Variants in ANK2 observed in about 807,000 individuals in gnomAD.
The protein encoded by ANK2 is ankyrin 2, also known as ankyrin-2.
ANK2 carries 83 observed loss-of-function variants against 360.5 expected under a neutral mutation model. The ratio of observed to expected loss-of-function variants is 0.23; its 90% CI spans 0.19 to 0.28. The LOEUF (loss-of-function observed/expected upper bound fraction) is 0.28. ANK2 is among the 10% of genes least tolerant of loss of function. ANK2 has a pLI of 1.00. For synonymous variants in ANK2, 1,740 were observed against 1,759.5 expected (o/e 0.99, Z 0.28); for missense variants, 4,201 against 4,795.7 (o/e 0.88, Z 3.66).
intron 1 of ANK2, among the ~76,000 whole-genome samples, chr4:112,831,817 A>C (rs1273543322): frequency 6.6e-6 from 1 of 152,088 alleles, no homozygotes; most frequent in Non-Finnish European, 1.5e-5. Flanking sequence ...GAGACCACGA[A>C]CTCACTGGGA....
intron 4 of ANK2, among the ~76,000 whole-genome samples, chr4:113,201,680 T>C (rs6533672): frequency 0.34 from 52,043 of 152,070 alleles, 9,562 homozygotes; most frequent in South Asian, 0.42. Flanking sequence ...GTTATAAAAG[T>C]TGACTAGTAG....
At chr4:113,323,299 T>C (rs2087527940) in intron 26 of ANK2, among the ~76,000 whole-genome samples, 1 of 152,206 alleles carries the variant, frequency 6.6e-6, no homozygotes, top group Non-Finnish European at 1.5e-5. Context: ...TGTTTGTTGT[T>C]GATCTATACT....
At chr4:113,374,707 C>T in intron 45 of ANK2, 2 of 982,636 alleles carry the variant, frequency 2.0e-6, no homozygotes, top group Non-Finnish European at 1.2e-6. Flanking sequence ...AGAAAAAATT[C>T]ATCATAGTTA....
At chr4:113,224,896 T>A (rs362469) in intron 4 of ANK2, among the ~76,000 whole-genome samples, 17,150 of 133,432 alleles carry the variant, frequency 0.13, 1,242 homozygotes, top group Admixed American at 0.24. Flanking sequence ...TTTTTTTTTT[T>A]AATTTTAAGA....
At chr4:112,708,428 C>T in the ANK2 span, among the ~76,000 whole-genome samples, 1 of 152,072 alleles carries the variant, frequency 6.6e-6, no homozygotes. Context: ...ATTGGTCATA[C>T]TATTAATTAT....
At chr4:112,809,568 A>C in the ANK2 span, among the ~76,000 whole-genome samples, 1 of 129,346 alleles carries the variant, frequency 7.7e-6, no homozygotes, top group Non-Finnish European at 1.6e-5. Flanking sequence ...CTAAAAAAAA[A>C]ATAAATCAAT....
Position 113,095,822 on chromosome 4 carries a change from A to C in ANK2, c.84+46010A>C, listed in dbSNP as rs626267. 2.6e-5 allele frequency among the ~76,000 whole-genome samples: 4 copies of C among 152,086 alleles called. No homozygotes were observed. The South Asian group carries it at 8.3e-4, about 32-fold the overall frequency. Reference sequence around the variant, plus strand: ...TTATGTCTTCCTACAGTTTTTGTCCATGCATGTTTATAGTAGTTAACTGCA... The same window carrying C: ...TTATGTCTTCCTACAGTTTTTGTCCCTGCATGTTTATAGTAGTTAACTGCA... On this transcript the variant is annotated intron_variant, in intron 1 of 45. Transcript: ENST00000357077.
At chr4:113,236,502 A>C (rs1211953349) in intron 5 of ANK2, among the ~76,000 whole-genome samples, 5 of 152,218 alleles carry the variant, frequency 3.3e-5, no homozygotes, top group Non-Finnish European at 5.9e-5. Context: ...GGTAATAGAC[A>C]ACTCCATCCC....
intron 2 of ANK2, among the ~76,000 whole-genome samples, chr4:113,038,028 C>T (rs7673390): frequency 0.21 from 32,518 of 151,920 alleles, 3,585 homozygotes; most frequent in East Asian, 0.37. Context: ...CCTTTTTAGA[C>T]ATTAGTTCAA....
At chr4:113,241,339 G>A (rs933472657) in intron 8 of ANK2, among the ~76,000 whole-genome samples, 1 of 152,118 alleles carries the variant, frequency 6.6e-6, no homozygotes, top group African/African-American at 2.4e-5. Context: ...ACGTTTGTTT[G>A]TTGTTGTTGC....
chr4:113,075,205 A>T (rs2079406454), intron 1 of ANK2, among the ~76,000 whole-genome samples: 1 of 152,236 alleles, frequency 6.6e-6, no homozygotes, highest in African/African-American at 2.4e-5. Context: ...AAGAGTAGAG[A>T]AGTACGTTTC....
At chr4:112,915,337 A>T (rs2089377571) in intron 2 of ANK2, among the ~76,000 whole-genome samples, 1 of 152,218 alleles carries the variant, frequency 6.6e-6, no homozygotes, top group Non-Finnish European at 1.5e-5. Flanking sequence ...TACCAAGAAC[A>T]TGAGGCCCAA....
chr4:112,854,853 T>C (rs2065946405), intron 1 of ANK2, among the ~76,000 whole-genome samples: 1 of 151,976 alleles, frequency 6.6e-6, no homozygotes, highest in South Asian at 2.1e-4. Flanking sequence ...GAGAGCTCAG[T>C]GTGGGAGGAA....
chr4:112,939,947 T>C (rs1209448342), intron 2 of ANK2, among the ~76,000 whole-genome samples: 1 of 152,252 alleles, frequency 6.6e-6, no homozygotes, highest in African/African-American at 2.4e-5. Context: ...ATGTCAGTCT[T>C]TTTTGAATGA....
chr4:112,722,224 C>G, the ANK2 span, among the ~76,000 whole-genome samples: 1 of 152,174 alleles, frequency 6.6e-6, no homozygotes, highest in Non-Finnish European at 1.5e-5. Flanking sequence ...ATCCTTACCT[C>G]TAGCCCCCAA....
chr4:112,969,214 C>G (rs1284729224), intron 2 of ANK2, among the ~76,000 whole-genome samples: 1 of 152,184 alleles, frequency 6.6e-6, no homozygotes, highest in African/African-American at 2.4e-5. Flanking sequence ...TCCACACTAA[C>G]TCTGTTAATA....
chr4:112,742,275 A>G, the ANK2 span, among the ~76,000 whole-genome samples: 20 of 152,320 alleles, frequency 1.3e-4, no homozygotes, highest in African/African-American at 3.6e-4. Context: ...TCAGAACAAA[A>G]TAAAATACTA....
intron 1 of ANK2, among the ~76,000 whole-genome samples, chr4:112,851,758 G>A (rs1267656897): frequency 1.3e-5 from 2 of 151,910 alleles, no homozygotes; most frequent in Non-Finnish European, 2.9e-5. Flanking sequence ...CGAGTAGCTG[G>A]CACTACAGGT....
chr4:112,975,222 G>A lies in ANK2; in HGVS notation c.21+70708G>A, dbSNP rs563286411. Among the ~76,000 whole-genome samples the A allele has an allele frequency of 7.2e-5, 11 of 152,276 alleles. 1 individual carries two copies. The South Asian group carries it at 1.9e-3, about 26-fold the overall frequency. On this transcript the variant is annotated intron_variant, in intron 2 of 30. Transcript: ENST00000503271. The stretch of plus-strand genomic sequence containing the variant: ...TTCCATTTAGCTACCGGTAAACTAT[G>A]AGTGTATTCTGTTGATGTTTCTGTT...
Sources: allele counts gnomAD v4.1 joint callset (sites outside exome capture counted in the v4.1 genomes callset), GRCh38; gene constraint gnomAD v4.1.1; transcripts MANE v1.5; gene names NCBI Gene and HGNC (gene_info 2026-07-23, HGNC 2026-07-21).